Variants in SRP72 observed in about 807,000 individuals in gnomAD.
SRP72 encodes signal recognition particle 72, also known as signal recognition particle subunit SRP72.
Under a neutral mutation model 96.3 loss-of-function variants are expected in SRP72, and 49 were observed. That is an observed-to-expected ratio of 0.51 (90% CI 0.40 to 0.65). The LOEUF (loss-of-function observed/expected upper bound fraction) is 0.65, where lower values mean the gene tolerates loss of function less well. Ranked by LOEUF, SRP72 falls within the 30% of genes least tolerant of loss-of-function variation. SRP72 has a pLI of 0.00. For synonymous variants in SRP72, 267 were observed against 275.2 expected (o/e 0.97, Z 0.30); for missense variants, 736 against 793.3 (o/e 0.93, Z 0.87).
intron 16 of SRP72, among the ~76,000 whole-genome samples, chr4:56,491,912 G>A (rs1327488792): frequency 6.6e-6 from 1 of 152,066 alleles, no homozygotes; most frequent in African/African-American, 2.4e-5. Flanking sequence ...CCAGGCTGGA[G>A]TACAGTGGCA....
intron 10 of SRP72, among the ~76,000 whole-genome samples, chr4:56,485,963 A>G (rs775282006): frequency 6.6e-6 from 1 of 152,218 alleles, no homozygotes; most frequent in South Asian, 2.1e-4. Context: ...TTTAAAATGT[A>G]TAGGAGCATG....
intron 8 of SRP72, among the ~76,000 whole-genome samples, chr4:56,482,283 T>TAC (rs1720527843): frequency 1.6e-5 from 2 of 128,500 alleles, no homozygotes; most frequent in African/African-American, 6.5e-5. Flanking sequence ...CTACTAAAAA[T>TAC]ACAAAAAAAA....
At chr4:56,488,695 G>A (rs1720804656) in intron 12 of SRP72, among the ~76,000 whole-genome samples, 1 of 152,006 alleles carries the variant, frequency 6.6e-6, no homozygotes, top group South Asian at 2.1e-4. Flanking sequence ...TTTCATTTAG[G>A]TTGCTGACTT....
intron 1 of SRP72, among the ~76,000 whole-genome samples, chr4:56,468,393 C>T (rs778306846): frequency 4.6e-5 from 7 of 152,014 alleles, no homozygotes; most frequent in Non-Finnish European, 8.8e-5. Context: ...TGTTTTTTTG[C>T]CCTGTAAGGG....
chr4:56,491,368 A>G, intron 15 of SRP72, 63 bp from the exon 16 acceptor site: 1 of 1,540,986 alleles, frequency 6.5e-7, no homozygotes. Flanking sequence ...TGGCAAACAT[A>G]TATATCTATA....
At position 56,484,853 on chromosome 4, in the gene SRP72, G is replaced by A. The variant is rs977650368; in HGVS notation, c.1075G>A (p.Glu359Lys). Residue 359 changes from glutamate (E) to lysine (K), a missense_variant, in exon 10 of 19, where the codon GAG (glutamate) becomes AAG (lysine). By Grantham distance (56) the Glu-to-Lys change is moderately conservative. This residue lies in a region of SRP72 where 388 missense variants were observed against 431.8 expected (regional missense o/e 0.90). Transcript: ENST00000642900. Reference sequence around the variant, plus strand: ...TGAAAAGCAGCACACAAAAGCAATAGAGCTGCTTCAGGTAAAATAATTACT... The same window carrying A: ...TGAAAAGCAGCACACAAAAGCAATAAAGCTGCTTCAGGTAAAATAATTACT... ...CREKQHTKAI[E>K]LLQEFSDQHP... 3 of 1,608,032 alleles carry A rather than the reference G, an allele frequency of 1.9e-6. No individual in the cohort carries two copies. The African/African-American group carries it at 4.0e-5, about 22-fold the overall frequency.
intron 17 of SRP72, among the ~76,000 whole-genome samples, chr4:56,500,158 G>A (rs564927298): frequency 1.3e-5 from 2 of 152,164 alleles, no homozygotes; most frequent in South Asian, 4.2e-4. Context: ...AGTGGGAGTT[G>A]AACAATGAGA....
At chr4:56,497,246 G>A (rs191357905) in intron 17 of SRP72, among the ~76,000 whole-genome samples, 2,956 of 144,540 alleles carry the variant, frequency 0.02, 95 homozygotes, top group African/African-American at 0.071. Flanking sequence ...TTGAGACCGC[G>A]TCTTGCTCTG....
intron 9 of SRP72, among the ~76,000 whole-genome samples, chr4:56,483,531 G>A (rs1024720520): frequency 2.6e-5 from 4 of 152,008 alleles, no homozygotes; most frequent in Admixed American, 2.0e-4. Context: ...TGAGCAACAT[G>A]GTGAAACCCT....
intron 8 of SRP72, among the ~76,000 whole-genome samples, chr4:56,481,693 A>G (rs1181784533): frequency 4.0e-5 from 6 of 150,948 alleles, no homozygotes; most frequent in Non-Finnish European, 5.9e-5. Flanking sequence ...ATTGTGCTTT[A>G]CTTTATTACA....
At chr4:56,487,714 TC>T (rs1272264693) in intron 11 of SRP72, among the ~76,000 whole-genome samples, 1 of 152,202 alleles carries the variant, frequency 6.6e-6, no homozygotes, top group African/African-American at 2.4e-5. Flanking sequence ...CCATTAACTT[TC>T]TTTGTGAGCT....
intron 2 of SRP72, 122 bp downstream of exon 2, chr4:56,469,895 TCC>T: frequency 1.0e-6 from 1 of 963,376 alleles, no homozygotes; most frequent in Non-Finnish European, 1.4e-6. Context: ...TTCCTTTTTT[TCC>T]CCCCTTTTGC....
intron 17 of SRP72, among the ~76,000 whole-genome samples, chr4:56,498,558 G>A (rs977343172): frequency 4.6e-5 from 7 of 152,160 alleles, no homozygotes; most frequent in Non-Finnish European, 8.8e-5. Flanking sequence ...AAGCTGATAA[G>A]CAACTTCAGC....
chr4:56,478,326 A>G, intron 6 of SRP72, 53 bp from the exon 7 acceptor site: 1 of 1,504,412 alleles, frequency 6.6e-7, no homozygotes, highest in South Asian at 1.4e-5. Flanking sequence ...CATTTGGAAA[A>G]TATGTAGATC....
intron 12 of SRP72, among the ~76,000 whole-genome samples, chr4:56,488,382 T>G (rs1425412544): frequency 1.3e-5 from 2 of 152,208 alleles, no homozygotes; most frequent in Admixed American, 6.5e-5. Context: ...TATTCAAATA[T>G]TGCAGGTTTC....
chr4:56,494,349 G>A (rs924992786), intron 16 of SRP72, among the ~76,000 whole-genome samples: 6 of 151,362 alleles, frequency 4.0e-5, no homozygotes, highest in Non-Finnish European at 8.8e-5. Flanking sequence ...TATCACATAA[G>A]AATATATAGA....
chr4:56,492,768 C>T (rs777316566), intron 16 of SRP72, among the ~76,000 whole-genome samples: 20 of 152,102 alleles, frequency 1.3e-4, no homozygotes, highest in Non-Finnish European at 2.4e-4. Flanking sequence ...AATGGATTTT[C>T]AATTAAAGTA....
At chr4:56,484,219 A>G (rs1430994102) in intron 9 of SRP72, among the ~76,000 whole-genome samples, 1 of 151,734 alleles carries the variant, frequency 6.6e-6, no homozygotes, top group East Asian at 1.9e-4. Flanking sequence ...TATTTTTAGT[A>G]GAGACGGGGT....
At chr4:56,469,595 G>T in intron 1 of SRP72, 58 bp from the exon 2 acceptor site, 2 of 1,463,536 alleles carry the variant, frequency 1.4e-6, no homozygotes, top group South Asian at 1.5e-5. Context: ...GGAAAATTTA[G>T]TAAAAATGTG....
Sources: gnomAD v4.1 joint callset for allele counts (sites outside exome capture counted in the v4.1 genomes callset) on GRCh38, gnomAD v4.1.1 for gene constraint, gnomAD v4.1.1 regional missense constraint, MANE v1.5 for transcripts, NCBI Gene and HGNC (gene_info 2026-07-23, HGNC 2026-07-21) for gene names.